PRKG1: variants seen among roughly 807,000 people sequenced by gnomAD.
PRKG1 encodes the protein cGMP-dependent protein kinase 1.
In PRKG1, 35 loss-of-function variants were observed where a neutral mutation model predicts 88.1. The ratio of observed to expected loss-of-function variants is 0.40; its 90% CI spans 0.30 to 0.53. PRKG1 has a LOEUF of 0.53. PRKG1 is among the 20% of genes least tolerant of loss of function. The probability of loss-of-function intolerance (pLI) is 0.59; values close to 1 mark genes in which losing one functional copy is unlikely to be tolerated. For missense variants in PRKG1, 540 were observed against 839.8 expected (o/e 0.64, Z 4.41); for synonymous variants, 303 against 292.5 (o/e 1.04, Z -0.37).
chr10:51,247,155 A>G (rs1291967443), intron 2 of PRKG1, among the ~76,000 whole-genome samples: 1 of 152,030 alleles, frequency 6.6e-6, no homozygotes, highest in Non-Finnish European at 1.5e-5. Context: ...ATAGTAGTCA[A>G]GAAGATGAAA....
chr10:52,184,571 A>G (rs915378093), intron 9 of PRKG1: 14 of 152,180 alleles, frequency 9.2e-5, no homozygotes, highest in African/African-American at 3.4e-4. Flanking sequence ...GGGATTTTTA[A>G]TCTCTGCACT....
chr10:51,112,916 T>A (rs1438005244), intron 1 of PRKG1, among the ~76,000 whole-genome samples: 1 of 152,194 alleles, frequency 6.6e-6, no homozygotes, highest in Admixed American at 6.6e-5. Context: ...ATTATGGTGC[T>A]ATTCAATATA....
chr10:51,507,974 C>G (rs1271169085), intron 3 of PRKG1, among the ~76,000 whole-genome samples: 1 of 151,974 alleles, frequency 6.6e-6, no homozygotes, highest in Non-Finnish European at 1.5e-5. Flanking sequence ...ATGTCTAAAA[C>G]AAGGAATTGT....
At chr10:51,381,120 G>A (rs944346191) in intron 2 of PRKG1, among the ~76,000 whole-genome samples, 3 of 151,472 alleles carry the variant, frequency 2.0e-5, no homozygotes, top group African/African-American at 7.3e-5. Context: ...AGCTGGACAT[G>A]GTGGCACACA....
chr10:51,611,654 T>G (rs537979894), intron 3 of PRKG1, among the ~76,000 whole-genome samples: 1 of 150,852 alleles, frequency 6.6e-6, no homozygotes, highest in Non-Finnish European at 1.5e-5. Flanking sequence ...TTTGTCTATT[T>G]TTTTTTTTTT....
At chr10:52,171,710 G>T (rs574727429) in intron 9 of PRKG1, among the ~76,000 whole-genome samples, 82 of 62,716 alleles carry the variant, frequency 1.3e-3, no homozygotes, top group South Asian at 2.4e-3. Flanking sequence ...GACTGATTCA[G>T]TTGCTTTTTT....
chr10:51,689,971 G>A (rs1026824458), intron 3 of PRKG1, among the ~76,000 whole-genome samples: 5 of 152,182 alleles, frequency 3.3e-5, no homozygotes, highest in Non-Finnish European at 7.3e-5. Flanking sequence ...CTGAGATGGG[G>A]TAATTTATAA....
chr10:51,330,207 G>A (rs187636336), intron 2 of PRKG1, among the ~76,000 whole-genome samples: 59 of 148,928 alleles, frequency 4.0e-4, no homozygotes, highest in African/African-American at 1.4e-3. Context: ...CTGGAGTGCA[G>A]TGTTGCAATC....
intron 2 of PRKG1, among the ~76,000 whole-genome samples, chr10:51,408,730 G>A (rs1360053895): frequency 6.6e-6 from 1 of 152,174 alleles, no homozygotes; most frequent in African/African-American, 2.4e-5. Context: ...CTCCATCCCC[G>A]CCACCATGGC....
intron 5 of PRKG1, among the ~76,000 whole-genome samples, chr10:52,045,929 C>T (rs1466684103): frequency 6.6e-6 from 1 of 151,974 alleles, no homozygotes; most frequent in Non-Finnish European, 1.5e-5. Context: ...TCCTTCCTTC[C>T]CACAGTAGAG....
At chr10:51,915,769 A>G (rs1184974401) in intron 5 of PRKG1, among the ~76,000 whole-genome samples, 1 of 152,180 alleles carries the variant, frequency 6.6e-6, no homozygotes, top group Non-Finnish European at 1.5e-5. Context: ...AAAAAGATGA[A>G]TAATTAATAA....
At chr10:51,664,524 T>C (rs1324085865) in intron 3 of PRKG1, among the ~76,000 whole-genome samples, 1 of 152,168 alleles carries the variant, frequency 6.6e-6, no homozygotes, top group African/African-American at 2.4e-5. Flanking sequence ...GCATCTAGTC[T>C]ATTGTCAAAC....
chr10:51,246,018 T>C (rs773577289), intron 2 of PRKG1, among the ~76,000 whole-genome samples: 1 of 152,058 alleles, frequency 6.6e-6, no homozygotes, highest in African/African-American at 2.4e-5. Flanking sequence ...GCTGAGACAG[T>C]ACATTGGTAT....
intron 2 of PRKG1, among the ~76,000 whole-genome samples, chr10:51,239,338 G>A (rs1050570851): frequency 6.6e-6 from 1 of 152,172 alleles, no homozygotes; most frequent in African/African-American, 2.4e-5. Flanking sequence ...TAACTAGCAG[G>A]AGAAGAATTT....
chr10:51,514,842 C>T (rs535133113), intron 3 of PRKG1, among the ~76,000 whole-genome samples: 2 of 152,310 alleles, frequency 1.3e-5, no homozygotes, highest in South Asian at 4.1e-4. Flanking sequence ...TATCCAAAGA[C>T]TTAAGTCTAG....
intron 2 of PRKG1, among the ~76,000 whole-genome samples, chr10:51,434,009 A>G (rs1208096385): frequency 3.3e-5 from 5 of 152,126 alleles, no homozygotes; most frequent in African/African-American, 1.2e-4. Context: ...TGCCCCTGCC[A>G]TTACCTGGCT....
At chr10:51,121,678 G>A (rs79439197) in intron 1 of PRKG1, among the ~76,000 whole-genome samples, 3,940 of 152,078 alleles carry the variant, frequency 0.026, 156 homozygotes, top group African/African-American at 0.088. Context: ...AGTGACAACC[G>A]TAAGAACACA....
intron 2 of PRKG1, among the ~76,000 whole-genome samples, chr10:51,209,556 T>G (rs1434187891): frequency 2.0e-5 from 3 of 152,220 alleles, no homozygotes; most frequent in African/African-American, 7.2e-5. Context: ...CTAACATGAT[T>G]GACAATAAAT....
chr10:51,009,057 A>T (rs200012782), intron 1 of PRKG1, among the ~76,000 whole-genome samples: 1 of 152,196 alleles, frequency 6.6e-6, no homozygotes, highest in East Asian at 1.9e-4. Flanking sequence ...AAGGATTTAT[A>T]GGGAAACAAA....
Sources: gnomAD v4.1 joint callset for allele counts (sites outside exome capture counted in the v4.1 genomes callset) on GRCh38, gnomAD v4.1.1 for gene constraint, MANE v1.5 for transcripts, NCBI Gene and HGNC (gene_info 2026-07-23, HGNC 2026-07-21) for gene names.